RBM47: variants seen among roughly 807,000 people sequenced by gnomAD.
The protein encoded by RBM47 is RNA-binding protein 47.
In RBM47, 21 loss-of-function variants were observed where a neutral mutation model predicts 47.1. That is an observed-to-expected ratio of 0.45 (90% CI 0.32 to 0.64). The LOEUF (loss-of-function observed/expected upper bound fraction) is 0.64. Among genes scored for constraint, RBM47 ranks in the 30% least tolerant of loss-of-function variants. The probability of loss-of-function intolerance (pLI) is 0.05; values close to 1 mark genes in which losing one functional copy is unlikely to be tolerated. For missense variants in RBM47, 708 were observed against 870.9 expected (o/e 0.81, Z 2.35); for synonymous variants, 375 against 361.7 (o/e 1.04, Z -0.42).
intron 1 of RBM47, among the ~76,000 whole-genome samples, chr4:40,598,040 T>C (rs1268694973): frequency 6.6e-6 from 1 of 152,206 alleles, no homozygotes; most frequent in Admixed American, 6.5e-5. Flanking sequence ...CTATATTAAG[T>C]CTCCAACATT....
intron 6 of RBM47, among the ~76,000 whole-genome samples, chr4:40,428,526 C>T (rs1328880720): frequency 6.6e-6 from 1 of 152,220 alleles, no homozygotes; most frequent in Admixed American, 6.5e-5. Flanking sequence ...CACAGCAAGA[C>T]ACAAGTCACC....
At chr4:40,432,562 C>A in intron 6 of RBM47, 89 bp downstream of exon 6, 6 of 1,567,126 alleles carry the variant, frequency 3.8e-6, no homozygotes, top group Non-Finnish European at 5.2e-6. Context: ...GCCAGGCACA[C>A]AGTAAATTCT....
At chr4:40,522,967 C>CTTTTT (rs529306760) in intron 2 of RBM47, among the ~76,000 whole-genome samples, 1 of 116,910 alleles carries the variant, frequency 8.6e-6, no homozygotes, top group Non-Finnish European at 1.7e-5. Context: ...TCTCAAAAAT[C>CTTTTT]TTTTTTTTTT....
At chr4:40,488,636 G>T (rs1243564982) in intron 2 of RBM47, among the ~76,000 whole-genome samples, 1 of 152,168 alleles carries the variant, frequency 6.6e-6, no homozygotes, top group African/African-American at 2.4e-5. Context: ...GGTAGCAAAT[G>T]CAGGTGAGGT....
rs138048142 is a variant in RBM47 at position 40,513,933 on chromosome 4, C to T, written c.-155+30489G>A. Reference sequence around the variant, plus strand: ...GGGGTTTCACCTTGTTGGCCAGGCTCGTCTCGAACTCCTGACCTCAAGTGA... The same window carrying T: ...GGGGTTTCACCTTGTTGGCCAGGCTTGTCTCGAACTCCTGACCTCAAGTGA... On this transcript the variant is annotated intron_variant, in intron 2 of 6. Coordinates refer to ENST00000295971, the MANE Select transcript of RBM47 (RefSeq NM_001098634.2). Among the ~76,000 whole-genome samples the T allele has an allele frequency of 3.5e-3, 529 of 151,884 alleles. 13 individuals are homozygous for T. The East Asian group carries it at 0.067, about 19-fold the overall frequency.
chr4:40,488,522 G>C (rs1398866019), intron 2 of RBM47, among the ~76,000 whole-genome samples: 1 of 152,114 alleles, frequency 6.6e-6, no homozygotes, highest in Non-Finnish European at 1.5e-5. Context: ...AATATGGGTG[G>C]ATGATCAAAT....
chr4:40,583,625 G>A (rs1173588498), intron 1 of RBM47, among the ~76,000 whole-genome samples: 11 of 152,014 alleles, frequency 7.2e-5, no homozygotes, highest in Middle Eastern at 3.4e-3. Flanking sequence ...TTGGGAGGCC[G>A]AGACGGGTGG....
intron 1 of RBM47, among the ~76,000 whole-genome samples, chr4:40,627,345 A>T (rs941309303): frequency 2.0e-5 from 3 of 152,120 alleles, no homozygotes; most frequent in African/African-American, 7.2e-5. Flanking sequence ...TTTCCCCAGA[A>T]TTATGTATCT....
chr4:40,532,365 T>G (rs1727486241), intron 2 of RBM47, among the ~76,000 whole-genome samples: 1 of 136,066 alleles, frequency 7.3e-6, no homozygotes, highest in South Asian at 2.3e-4. Context: ...CAGGTTGGAG[T>G]GCAGTGGCAC....
At chr4:40,468,318 G>A (rs1169577211) in intron 2 of RBM47, among the ~76,000 whole-genome samples, 1 of 152,052 alleles carries the variant, frequency 6.6e-6, no homozygotes, top group Non-Finnish European at 1.5e-5. Context: ...AAGAATAAAG[G>A]AGTTGGATTA....
chr4:40,522,622 T>C (rs1362931503), intron 2 of RBM47, among the ~76,000 whole-genome samples: 2 of 152,194 alleles, frequency 1.3e-5, no homozygotes, highest in African/African-American at 2.4e-5. Context: ...CCTTTTCCAA[T>C]TGCATATCTT....
intron 2 of RBM47, among the ~76,000 whole-genome samples, chr4:40,500,192 A>G (rs1418374939): frequency 1.3e-5 from 2 of 152,192 alleles, no homozygotes; most frequent in Non-Finnish European, 1.5e-5. Context: ...GCATGCCTGT[A>G]ATCCCAGCTA....
chr4:40,623,267 C>G (rs1404551466), intron 1 of RBM47, among the ~76,000 whole-genome samples: 1 of 152,178 alleles, frequency 6.6e-6, no homozygotes, highest in Non-Finnish European at 1.5e-5. Flanking sequence ...GTCCCTGGGC[C>G]AAACTACTGT....
intron 2 of RBM47, among the ~76,000 whole-genome samples, chr4:40,522,337 T>C (rs1360077564): frequency 2.6e-5 from 4 of 152,080 alleles, no homozygotes; most frequent in Non-Finnish European, 5.9e-5. Flanking sequence ...AAGCCCTGTT[T>C]CTACTAAAAA....
Position 40,529,904 on chromosome 4 carries a change from C to T in RBM47, c.-155+14518G>A, listed in dbSNP as rs183155530. 4.2e-3 allele frequency among the ~76,000 whole-genome samples: 620 copies of T among 147,936 alleles called. 4 individuals are homozygous for T. The highest frequency in any genetic ancestry group is 0.011 in the Middle Eastern group (3 of 282). On this transcript the variant is annotated intron_variant, in intron 2 of 6. Transcript: ENST00000295971. The stretch of plus-strand genomic sequence containing the variant: ...TTAAAATAAAAGTAAATAAACTTCA[C>T]GATGGATTTTAAGGATATTAGACCC...
At chr4:40,479,919 A>G (rs1383014145) in intron 2 of RBM47, among the ~76,000 whole-genome samples, 1 of 151,648 alleles carries the variant, frequency 6.6e-6, no homozygotes, top group Non-Finnish European at 1.5e-5. Context: ...TGTTTCGCAT[A>G]TATTAACACA....
intron 3 of RBM47, among the ~76,000 whole-genome samples, chr4:40,454,936 C>CA (rs1393663986): frequency 6.6e-6 from 1 of 151,844 alleles, no homozygotes; most frequent in African/African-American, 2.4e-5. Context: ...TACTTACTTA[C>CA]AGCAGGTTTA....
intron 6 of RBM47, among the ~76,000 whole-genome samples, chr4:40,430,143 C>T (rs1041290532): frequency 7.3e-5 from 11 of 151,676 alleles, no homozygotes; most frequent in Non-Finnish European, 1.6e-4. Flanking sequence ...TGCAGTAAGC[C>T]GAGATCACGC....
At chr4:40,622,114 G>A (rs114087824) in intron 1 of RBM47, among the ~76,000 whole-genome samples, 5 of 152,306 alleles carry the variant, frequency 3.3e-5, no homozygotes, top group African/African-American at 7.2e-5. Flanking sequence ...TGTGGCAGAC[G>A]CTCCTCTAAT....
Sources: allele counts gnomAD v4.1 joint callset (sites outside exome capture counted in the v4.1 genomes callset), GRCh38; gene constraint gnomAD v4.1.1; transcripts MANE v1.5; gene names NCBI Gene and HGNC (gene_info 2026-07-23, HGNC 2026-07-21).